The following TMEM232 variants were observed in gnomAD, a reference collection of about 807,000 sequenced individuals.
TMEM232 encodes the protein transmembrane protein 232.
TMEM232 carries 80 observed loss-of-function variants against 78.8 expected under a neutral mutation model. That is an observed-to-expected ratio of 1.01 (90% CI 0.85 to 1.22). The LOEUF (loss-of-function observed/expected upper bound fraction) is 1.22, where lower values mean the gene tolerates loss of function less well. Among genes scored for constraint, TMEM232 ranks in the 50% most tolerant of loss-of-function variants. The probability of loss-of-function intolerance (pLI) is 0.00; values close to 1 mark genes in which losing one functional copy is unlikely to be tolerated. For synonymous variants in TMEM232, 297 were observed against 254.3 expected (o/e 1.17, Z -1.60); for missense variants, 881 against 742.2 (o/e 1.19, Z -2.17).
intron 11 of TMEM232, among the ~76,000 whole-genome samples, chr5:110,564,267 C>T (rs967470907): frequency 7.3e-5 from 11 of 151,714 alleles, no homozygotes; most frequent in African/African-American, 2.7e-4. Context: ...ATTAACTTGC[C>T]TCAAAATAAG....
intron 1 of TMEM232, among the ~76,000 whole-genome samples, chr5:110,688,534 G>C (rs1373749356): frequency 6.6e-6 from 1 of 152,126 alleles, no homozygotes; most frequent in Non-Finnish European, 1.5e-5. Flanking sequence ...TGTGCCTTAG[G>C]AGACAGGACC....
At position 110,586,228 on chromosome 5, in the gene TMEM232, T is replaced by C. The variant is rs373730737; in HGVS notation, c.1277-17603A>G. ...TTTCCAAAATTTCACTTTTAACTTA[T>C]TGTAATTTTCTCTCATTTTTTTCCT... On this transcript the variant is annotated intron_variant, in intron 10 of 13. Transcript: ENST00000455884. Among the ~76,000 whole-genome samples the C allele has an allele frequency of 7.2e-5, 11 of 152,256 alleles. 1 individual carries two copies. The highest frequency in any genetic ancestry group is 3.9e-4 in the East Asian group (2 of 5,180).
intron 12 of TMEM232, among the ~76,000 whole-genome samples, chr5:110,476,550 T>C (rs564998186): frequency 1.2e-3 from 186 of 152,168 alleles, no homozygotes; most frequent in African/African-American, 4.1e-3. Flanking sequence ...TCCTGAAATA[T>C]AGAGTTCATA....
intron 1 of TMEM232, among the ~76,000 whole-genome samples, chr5:110,673,984 T>C (rs1345849908): frequency 2.7e-5 from 1 of 36,532 alleles, no homozygotes. Context: ...AATAAAGAGG[T>C]AACATGAAAA....
chr5:110,675,090 G>A (rs1055612845), intron 1 of TMEM232, among the ~76,000 whole-genome samples: 1 of 151,988 alleles, frequency 6.6e-6, no homozygotes, highest in African/African-American at 2.4e-5. Context: ...CACCCAGGCT[G>A]GATGGAGTGT....
intron 11 of TMEM232, 22 bp downstream of exon 11, chr5:110,568,425 A>G: frequency 6.6e-7 from 1 of 1,509,072 alleles, no homozygotes; most frequent in Non-Finnish European, 8.8e-7. Flanking sequence ...GTACATATTT[A>G]TTGCCCAGTG....
chr5:110,497,858 T>C (rs543078225), intron 12 of TMEM232, among the ~76,000 whole-genome samples: 1 of 152,266 alleles, frequency 6.6e-6, no homozygotes, highest in Admixed American at 6.5e-5. Flanking sequence ...GGCCATCTGA[T>C]ACTCCCAATT....
chr5:110,718,621 G>A (rs562939887), intron 1 of TMEM232, among the ~76,000 whole-genome samples: 1 of 152,112 alleles, frequency 6.6e-6, no homozygotes, highest in South Asian at 2.1e-4. Flanking sequence ...CTTCTTAGGT[G>A]TGAAGATTAA....
intron 12 of TMEM232, among the ~76,000 whole-genome samples, chr5:110,492,870 T>A (rs1765262895): frequency 1.3e-5 from 2 of 152,010 alleles, no homozygotes; most frequent in South Asian, 4.1e-4. Context: ...GAAGCCACAT[T>A]TACTGATTAT....
At chr5:110,716,994 C>A (rs903331557) in intron 1 of TMEM232, among the ~76,000 whole-genome samples, 2 of 151,994 alleles carry the variant, frequency 1.3e-5, no homozygotes, top group Admixed American at 1.3e-4. Flanking sequence ...ACTAAGCAGA[C>A]AATAAAGTAG....
At chr5:110,599,017 T>TA (rs1252104456) in intron 10 of TMEM232, among the ~76,000 whole-genome samples, 9 of 150,662 alleles carry the variant, frequency 6.0e-5, no homozygotes, top group African/African-American at 2.2e-4. Flanking sequence ...ATAATAATAA[T>TA]AAAAAAAAGA....
intron 12 of TMEM232, among the ~76,000 whole-genome samples, chr5:110,499,971 A>G (rs1203816978): frequency 1.3e-5 from 2 of 152,324 alleles, no homozygotes; most frequent in Admixed American, 1.3e-4. Context: ...ATTTACTAAT[A>G]TAGGCCAAAT....
At chr5:110,459,354 T>G (rs550112966) in intron 12 of TMEM232, among the ~76,000 whole-genome samples, 1 of 152,190 alleles carries the variant, frequency 6.6e-6, no homozygotes, top group African/African-American at 2.4e-5. Context: ...TCACAAAACT[T>G]CAAAGACATA....
At chr5:110,486,765 T>C (rs556591468) in intron 12 of TMEM232, among the ~76,000 whole-genome samples, 48 of 152,220 alleles carry the variant, frequency 3.2e-4, no homozygotes, top group African/African-American at 1.1e-3. Context: ...TCCAGATTTG[T>C]TCTTTTTGTT....
chr5:110,605,427 T>G, intron 9 of TMEM232, 69 bp from the exon 10 acceptor site: 3 of 1,444,662 alleles, frequency 2.1e-6, no homozygotes, highest in Non-Finnish European at 2.7e-6. Flanking sequence ...CACAGTGTAC[T>G]TATAATAATT....
In TMEM232 at chr5:110,420,667, G is replaced by A; in HGVS notation, c.1887C>T (p.His629=). The change falls in exon 14 of 14, where the codon CAC becomes CAT. Residue 629 remains histidine, a synonymous_variant. Coordinates refer to ENST00000455884, the MANE Select transcript of TMEM232 (RefSeq NM_001039763.4). The part of the protein sequence containing the change: ...LKDKKLAEKN[H]FQEVMKKREE... ...CTCTTTTCTTCATAACTTCTTGAAA[G>A]TGATTTTTCTCTGCTAACTTTTTAT... The A allele has an allele frequency of 5.9e-6, 9 of 1,526,424 alleles. No individual in the cohort carries two copies. The highest frequency in any genetic ancestry group is 7.9e-6 in the Non-Finnish European group (9 of 1,143,734). 94.6% of individuals were successfully genotyped at this position (1,526,424 alleles called of 1,614,324 possible). A position where few individuals can be genotyped will look rare whatever the true frequency, so the allele number is the denominator to read the frequency against.
chr5:110,735,539 T>A (rs1441675884), intron 1 of TMEM232, among the ~76,000 whole-genome samples: 1 of 152,196 alleles, frequency 6.6e-6, no homozygotes, highest in East Asian at 1.9e-4. Flanking sequence ...TATAGTGATT[T>A]AATATTTTAG....
intron 12 of TMEM232, among the ~76,000 whole-genome samples, chr5:110,506,254 T>C (rs1294357770): frequency 1.3e-5 from 2 of 152,224 alleles, no homozygotes; most frequent in Non-Finnish European, 2.9e-5. Flanking sequence ...GCTTTGTGTG[T>C]TTTGTTTTAG....
chr5:110,515,783 T>C (rs1768536333), intron 12 of TMEM232, among the ~76,000 whole-genome samples: 2 of 152,154 alleles, frequency 1.3e-5, no homozygotes, highest in Non-Finnish European at 2.9e-5. Context: ...GCTCCTTTTA[T>C]AAAGGAAGCT....
Sources: allele counts gnomAD v4.1 joint callset (sites outside exome capture counted in the v4.1 genomes callset), GRCh38; gene constraint gnomAD v4.1.1; transcripts MANE v1.5; gene names NCBI Gene and HGNC (gene_info 2026-07-23, HGNC 2026-07-21).